ABCC4: variants seen among roughly 807,000 people sequenced by gnomAD.
ABCC4 encodes the protein ATP binding cassette subfamily C member 4 (PEL blood group), also known as ATP-binding cassette sub-family C member 4.
In ABCC4, 102 loss-of-function variants were observed where a neutral mutation model predicts 168.5. The observed-to-expected ratio is 0.61, with a 90% CI of 0.52 to 0.71. The LOEUF (loss-of-function observed/expected upper bound fraction) is 0.71, where lower values mean the gene tolerates loss of function less well. ABCC4 is among the 30% of genes least tolerant of loss of function. The pLI is 0.00. For synonymous variants in ABCC4, 617 were observed against 590.7 expected, an observed-to-expected ratio of 1.04 and a Z score of -0.65; for missense variants, 1,402 against 1,605.8, an observed-to-expected ratio of 0.87 and a Z score of 2.17.
intron 19 of ABCC4, among the ~76,000 whole-genome samples, chr13:95,142,021 A>G (rs2139482408): frequency 1.3e-5 from 2 of 152,354 alleles, no homozygotes; most frequent in South Asian, 4.1e-4. Flanking sequence ...ACTAAGGAAG[A>G]CAGTGTGGAG....
chr13:95,040,338 T>C (rs2032301968), intron 29 of ABCC4, among the ~76,000 whole-genome samples: 1 of 152,154 alleles, frequency 6.6e-6, no homozygotes, highest in African/African-American at 2.4e-5. Context: ...TTCAAAAGCG[T>C]CTCCTGCCTC....
chr13:95,062,916 C>G, intron 25 of ABCC4, 57 bp from the exon 26 acceptor site: 1 of 1,550,508 alleles, frequency 6.4e-7, no homozygotes, highest in Non-Finnish European at 8.7e-7. Context: ...TCACAGGATG[C>G]AGCAAAACTA....
intron 1 of ABCC4, among the ~76,000 whole-genome samples, chr13:95,274,246 A>G (rs1397586494): frequency 6.6e-6 from 1 of 151,926 alleles, no homozygotes; most frequent in East Asian, 1.9e-4. Context: ...TACTGTTTAT[A>G]TTTTTTACTT....
At position 95,047,829 on chromosome 13, in the gene ABCC4, G is replaced by A. The variant is rs560842428; in HGVS notation, c.3457-3391C>T. 1.1e-4 allele frequency among the ~76,000 whole-genome samples: 17 copies of A among 152,238 alleles called. No homozygotes were observed. The South Asian group carries it at 2.1e-3, about 19-fold the overall frequency. On this transcript the variant is annotated intron_variant, in intron 27 of 30. Coordinates refer to ENST00000645237, the MANE Select transcript of ABCC4 (RefSeq NM_005845.5). ...CAGCTAGTTCTTTTCATGCACTGCT[G>A]TAGTTTTCTTCACTGCATTTACCAG...
At chr13:95,110,240 C>T (rs1268435983) in intron 20 of ABCC4, among the ~76,000 whole-genome samples, 4 of 143,260 alleles carry the variant, frequency 2.8e-5, no homozygotes, top group East Asian at 2.1e-4. Context: ...ACCCAGGAGG[C>T]GGAGGTTGCA....
intron 20 of ABCC4, among the ~76,000 whole-genome samples, chr13:95,115,502 C>CA (rs4148521): frequency 0.25 from 35,127 of 140,926 alleles, 4,552 homozygotes; most frequent in African/African-American, 0.34. Context: ...TGGTTCTATC[C>CA]AAAAAAAAAA....
intron 3 of ABCC4, among the ~76,000 whole-genome samples, chr13:95,243,939 G>GGTGCA (rs1427879635): frequency 1.3e-5 from 2 of 150,946 alleles, no homozygotes; most frequent in African/African-American, 4.9e-5. Flanking sequence ...AATGTACCTT[G>GGTGCA]GTGCTCTGAC....
intron 13 of ABCC4, among the ~76,000 whole-genome samples, chr13:95,171,718 A>G (rs2037484562): frequency 6.6e-6 from 1 of 152,218 alleles, no homozygotes; most frequent in Non-Finnish European, 1.5e-5. Flanking sequence ...GAGAAGTCAT[A>G]AGCAAGTATT....
chr13:95,246,101 G>A (rs879778240), intron 3 of ABCC4, among the ~76,000 whole-genome samples: 2 of 152,114 alleles, frequency 1.3e-5, no homozygotes, highest in Admixed American at 6.6e-5. Flanking sequence ...GTGTGCCTAG[G>A]CAGAACACTG....
chr13:95,195,188 T>C (rs928739304), intron 8 of ABCC4, among the ~76,000 whole-genome samples: 2 of 152,246 alleles, frequency 1.3e-5, no homozygotes, highest in African/African-American at 4.8e-5. Flanking sequence ...TCAACAAGTA[T>C]ACTTGTTCCT....
At chr13:95,044,236 C>T (rs1411879467) in intron 28 of ABCC4, 30 bp downstream of exon 28, 1 of 1,562,286 alleles carries the variant, frequency 6.4e-7, no homozygotes, top group South Asian at 1.2e-5. Context: ...AAAATGTGGA[C>T]TCAAGGTTAC....
intron 20 of ABCC4, among the ~76,000 whole-genome samples, chr13:95,102,924 T>C (rs538338015): frequency 1.4e-5 from 2 of 142,922 alleles, no homozygotes; most frequent in Non-Finnish European, 3.1e-5. Flanking sequence ...CCTGGCCCAG[T>C]CACATCTAAT....
intron 27 of ABCC4, among the ~76,000 whole-genome samples, chr13:95,052,132 CACCAT>C (rs1199722269): frequency 1.3e-5 from 2 of 152,128 alleles, no homozygotes; most frequent in African/African-American, 4.8e-5. Context: ...AGGCGCACAC[CACCAT>C]ACCCAGCTAA....
intron 30 of ABCC4, among the ~76,000 whole-genome samples, chr13:95,027,158 A>T (rs907477683): frequency 2.2e-4 from 33 of 152,192 alleles, no homozygotes; most frequent in Admixed American, 1.4e-3. Context: ...CCACATTTAA[A>T]TCAGAGGGGT....
intron 6 of ABCC4, among the ~76,000 whole-genome samples, chr13:95,208,505 T>G (rs1417599321): frequency 1.3e-5 from 2 of 151,776 alleles, no homozygotes. Flanking sequence ...CTCATCTCGA[T>G]CCAGCTGACA....
intron 19 of ABCC4, among the ~76,000 whole-genome samples, chr13:95,128,568 T>C (rs892740317): frequency 6.6e-6 from 1 of 152,206 alleles, no homozygotes; most frequent in Non-Finnish European, 1.5e-5. Context: ...AGTAAAGAGC[T>C]GGACAGCTGA....
At chr13:95,068,226 G>A (rs1411167018) in intron 25 of ABCC4, among the ~76,000 whole-genome samples, 1 of 152,292 alleles carries the variant, frequency 6.6e-6, no homozygotes, top group East Asian at 1.9e-4. Context: ...TGGAGGAGAC[G>A]AACCCTGAAT....
At chr13:95,024,745 G>C (rs1264885824) in intron 30 of ABCC4, among the ~76,000 whole-genome samples, 1 of 152,160 alleles carries the variant, frequency 6.6e-6, no homozygotes. Context: ...TATTGTCAAA[G>C]AGTAATGGAG....
At chr13:95,064,256 GTGTGTATATA>G (rs1259304913) in intron 25 of ABCC4, among the ~76,000 whole-genome samples, 2,111 of 15,116 alleles carry the variant, frequency 0.14, 95 homozygotes, top group African/African-American at 0.25. Flanking sequence ...GTGTGTGTGT[GTGTGTATATA>G]TATATATATA....
Sources: allele counts gnomAD v4.1 joint callset (sites outside exome capture counted in the v4.1 genomes callset), GRCh38; gene constraint gnomAD v4.1.1; transcripts MANE v1.5; gene names NCBI Gene and HGNC (gene_info 2026-07-23, HGNC 2026-07-21).